Variants in UPRT observed in about 807,000 individuals in gnomAD.
UPRT encodes the protein uracil phosphoribosyltransferase homolog, also known as RP11-311P8.3.
UPRT carries 5 observed loss-of-function variants against 22.6 expected under a neutral mutation model. The ratio of observed to expected loss-of-function variants is 0.22; its 90% CI spans 0.12 to 0.47. The LOEUF (loss-of-function observed/expected upper bound fraction) is 0.47, where lower values mean the gene tolerates loss of function less well. Among genes scored for constraint, UPRT ranks in the 20% least tolerant of loss-of-function variants. The pLI is 0.99. For synonymous variants in UPRT, 77 were observed against 87.7 expected, an observed-to-expected ratio of 0.88 and a Z score of 0.68; for missense variants, 181 against 239.9, an observed-to-expected ratio of 0.75 and a Z score of 1.62.
intron 4 of UPRT, among the ~76,000 whole-genome samples, chrX:75,229,117 G>A (rs6647666): frequency 0.032 from 3,580 of 111,706 alleles, 147 homozygotes; most frequent in African/African-American, 0.11. Context: ...ATAATACTGC[G>A]CTGTAGACTT....
At chrX:75,259,424 A>C (rs907226719) in intron 4 of UPRT, among the ~76,000 whole-genome samples, 10 of 108,871 alleles carry the variant, frequency 9.2e-5, no homozygotes, top group African/African-American at 3.3e-4. Context: ...AAATGACCGG[A>C]TGGAGCTCAG....
intron 4 of UPRT, among the ~76,000 whole-genome samples, chrX:75,222,927 G>C (rs762886901): frequency 9.1e-6 from 1 of 110,426 alleles, no homozygotes; most frequent in South Asian, 3.9e-4. Context: ...GCCACCACAT[G>C]TAGGAATGTT....
intron 4 of UPRT, among the ~76,000 whole-genome samples, chrX:75,189,769 C>T (rs184754273): frequency 8.9e-6 from 1 of 111,767 alleles, no homozygotes; most frequent in African/African-American, 3.3e-5. Context: ...TCTTTGTTGG[C>T]TTAAAGTCTG....
chrX:75,230,114 C>G (rs970985695), intron 4 of UPRT, among the ~76,000 whole-genome samples: 3 of 111,528 alleles, frequency 2.7e-5, no homozygotes, highest in Non-Finnish European at 5.7e-5. Flanking sequence ...TGCATGAGAG[C>G]TAGGTGAGGT....
At chrX:75,290,075 A>G (rs1407709904) in intron 1 of UPRT, among the ~76,000 whole-genome samples, 1 of 112,273 alleles carries the variant, frequency 8.9e-6, no homozygotes, top group Non-Finnish European at 1.9e-5. Flanking sequence ...TAATATCCAG[A>G]AATCTGTAAG....
At chrX:75,254,230 C>A (rs1246354007) in intron 4 of UPRT, among the ~76,000 whole-genome samples, 1 of 111,013 alleles carries the variant, frequency 9.0e-6, no homozygotes, top group Non-Finnish European at 1.9e-5. Context: ...AGTTATTAAC[C>A]TAATCAGGAA....
chrX:75,266,186 A>C lies in UPRT; in HGVS notation c.-446-24838A>C, dbSNP rs2082587819. Among the ~76,000 whole-genome samples, 3 of 111,647 alleles carry C rather than the reference A, an allele frequency of 2.7e-5. No homozygotes were observed. The Admixed American group carries it at 2.9e-4, about 11-fold the overall frequency. On this transcript the variant is annotated intron_variant, in intron 4 of 13. Transcript: ENST00000652605. Reference sequence around the variant, plus strand: ...GAGGCATCATGCTACCAGACCTCAAAGTATACTACAAGGCTACAGTAACCA... The same window carrying C: ...GAGGCATCATGCTACCAGACCTCAACGTATACTACAAGGCTACAGTAACCA...
intron 4 of UPRT, among the ~76,000 whole-genome samples, chrX:75,256,540 C>A (rs1415779735): frequency 1.1e-5 from 1 of 89,868 alleles, no homozygotes; most frequent in Non-Finnish European, 2.1e-5. Context: ...GAAATTGAAA[C>A]AACAACAACA....
intron 4 of UPRT, among the ~76,000 whole-genome samples, chrX:75,183,075 A>G (rs752226483): frequency 1.8e-5 from 2 of 110,332 alleles, no homozygotes; most frequent in Admixed American, 9.7e-5. Context: ...CACAACATGC[A>G]CGTTTGTTAC....
At chrX:75,199,727 G>A (rs1180340099) in intron 4 of UPRT, among the ~76,000 whole-genome samples, 1 of 111,051 alleles carries the variant, frequency 9.0e-6, no homozygotes, top group African/African-American at 3.3e-5. Context: ...CTTGGGGTCC[G>A]CAATTCTTTA....
chrX:75,161,207 C>T (rs986426322), intron 2 of UPRT, among the ~76,000 whole-genome samples: 3 of 112,080 alleles, frequency 2.7e-5, no homozygotes, highest in African/African-American at 6.5e-5. Flanking sequence ...ATCCACTCAA[C>T]GCACATAAAG....
exon 4 of UPRT, among the ~76,000 whole-genome samples, chrX:75,167,833 C>T (rs1053459530): frequency 7.3e-5 from 8 of 109,554 alleles, no homozygotes; most frequent in Non-Finnish European, 1.1e-4. Context: ...TGGACTGTGA[C>T]ACATCAGCAT....
intron 1 of UPRT, among the ~76,000 whole-genome samples, chrX:75,159,210 G>A (rs751898872): frequency 9.0e-6 from 1 of 111,723 alleles, no homozygotes; most frequent in South Asian, 3.8e-4. Flanking sequence ...GTGAGAACAT[G>A]TGGTATTTGT....
At position 75,235,700 on chromosome X, in the gene UPRT, A is replaced by G. The variant is rs1281311529; in HGVS notation, c.-446-55324A>G. 8.0e-5 allele frequency among the ~76,000 whole-genome samples: 9 copies of G among 112,201 alleles called. No individual in the cohort carries two copies. The South Asian group carries it at 2.6e-3, about 33-fold the overall frequency. On this transcript the variant is annotated intron_variant, in intron 4 of 13. Transcript: ENST00000652605. Reference sequence around the variant, plus strand: ...AAACAGAACCAAAGACCAAAACCACATGATTATCTCAATAGATGCAGAAAA... The same window carrying G: ...AAACAGAACCAAAGACCAAAACCACGTGATTATCTCAATAGATGCAGAAAA...
At chrX:75,235,157 C>A (rs1044971098) in intron 4 of UPRT, among the ~76,000 whole-genome samples, 113 of 111,114 alleles carry the variant, frequency 1.0e-3, no homozygotes, top group Admixed American at 2.2e-3. Context: ...ACTATAAACA[C>A]ATCTATGCAA....
intron 4 of UPRT, among the ~76,000 whole-genome samples, chrX:75,254,874 C>T (rs887579481): frequency 2.9e-5 from 3 of 104,857 alleles, no homozygotes; most frequent in African/African-American, 1.1e-4. Context: ...TTCCCGGGTT[C>T]ACGCCATTCT....
At chrX:75,206,183 G>A (rs1310196217) in intron 4 of UPRT, among the ~76,000 whole-genome samples, 3 of 107,989 alleles carry the variant, frequency 2.8e-5, no homozygotes, top group African/African-American at 1.0e-4. Flanking sequence ...AATATGGGGT[G>A]AGGAGAATAG....
At chrX:75,282,421 A>T (rs1337781071) in intron 1 of UPRT, among the ~76,000 whole-genome samples, 1 of 110,112 alleles carries the variant, frequency 9.1e-6, no homozygotes, top group African/African-American at 3.3e-5. Flanking sequence ...CCCTCTTAGC[A>T]CTGCCTTTGC....
At chrX:75,183,840 C>A (rs945349300) in intron 4 of UPRT, among the ~76,000 whole-genome samples, 20 of 112,237 alleles carry the variant, frequency 1.8e-4, no homozygotes, top group Non-Finnish European at 3.2e-4. Flanking sequence ...AATATCTGTT[C>A]ATATCCTTCG....
Sources: allele counts gnomAD v4.1 joint callset (sites outside exome capture counted in the v4.1 genomes callset), GRCh38; gene constraint gnomAD v4.1.1; transcripts MANE v1.5; gene names NCBI Gene and HGNC (gene_info 2026-07-23, HGNC 2026-07-21).